The following DDR2 variants were observed in gnomAD, a reference collection of about 807,000 sequenced individuals.
The protein encoded by DDR2 is discoidin domain-containing receptor 2.
A neutral mutation model predicts 94.9 loss-of-function variants in DDR2; 27 were observed. The observed-to-expected ratio is 0.28, with a 90% confidence interval of 0.21 to 0.39. The LOEUF is 0.39. DDR2 is among the 10% of genes least tolerant of loss of function. The pLI is 1.00. For missense variants in DDR2, 783 were observed against 1,076.0 expected (o/e 0.73, Z 3.81); for synonymous variants, 382 against 377.2 (o/e 1.01, Z -0.15).
chr1:162,746,732 A>G (rs1662888121), intron 3 of DDR2, among the ~76,000 whole-genome samples: 1 of 152,226 alleles, frequency 6.6e-6, no homozygotes, highest in African/African-American at 2.4e-5. Context: ...AGGGGCCTAC[A>G]GACACCTCAT....
chr1:162,724,738 A>G (rs1384262731), intron 3 of DDR2, among the ~76,000 whole-genome samples: 1 of 151,952 alleles, frequency 6.6e-6, no homozygotes, highest in Non-Finnish European at 1.5e-5. Flanking sequence ...CTGAGGTACT[A>G]GTGTTGTGAT....
chr1:162,762,923 G>A (rs1464526071), intron 9 of DDR2, among the ~76,000 whole-genome samples: 2 of 152,064 alleles, frequency 1.3e-5, no homozygotes, highest in African/African-American at 4.8e-5. Context: ...TGCAACCCCC[G>A]CCTCCCGGGA....
intron 1 of DDR2, among the ~76,000 whole-genome samples, chr1:162,638,125 A>T (rs6427688): frequency 0.25 from 37,990 of 151,910 alleles, 5,061 homozygotes; most frequent in Admixed American, 0.34. Flanking sequence ...GGTTCAAGTG[A>T]TTCTCCTGCC....
intron 2 of DDR2, among the ~76,000 whole-genome samples, chr1:162,676,389 G>C (rs1490479480): frequency 1.3e-5 from 2 of 152,100 alleles, no homozygotes; most frequent in Non-Finnish European, 1.5e-5. Flanking sequence ...CACCACTGTT[G>C]TTATTAGTTT....
chr1:162,770,418 T>G lies in DDR2; in HGVS notation c.1410T>G (p.Thr470=), dbSNP rs1006765635. ...SSPSEQGSNS[T]YDRIFPLRPD... is the part of the protein sequence containing the mutation. ...CTAGTGAACAAGGGTCCAACTCGAC[T>G]TACGATCGCATCTTTCCCCTTCGCC... The change falls in exon 12 of 18, where the codon ACT becomes ACG. Residue 470 remains threonine (T), a synonymous_variant. Coordinates refer to ENST00000367921, the MANE Select transcript of DDR2 (RefSeq NM_006182.4). The G allele has an allele frequency of 6.2e-7, 1 of 1,613,966 alleles. No homozygotes were observed. Among genetic ancestry groups the G allele is most frequent in the African/African-American group, 1.3e-5 (1 of 74,900 alleles).
rs566192551 is a variant in DDR2, at chr1:162,737,292, A to G, written c.83-15803A>G. 7.5e-3 allele frequency among the ~76,000 whole-genome samples: 1,044 copies of G among 139,174 alleles called. 15 individuals carry two copies. Among genetic ancestry groups the G allele is most frequent in the African/African-American group, 0.027 (996 of 37,452 alleles). The allele number at this position is 139,174 out of a possible 152,430, so 91.3% of individuals were successfully genotyped here. On this transcript the variant is annotated intron_variant, in intron 3 of 17. Coordinates refer to ENST00000367921, the MANE Select transcript of DDR2 (RefSeq NM_006182.4). ...CATCTAGCATTAGGTATCTCTCCCAATGCTATCCCTCCCCCCTCCCCCGAC... is the reference window on the plus strand; with the variant it reads ...CATCTAGCATTAGGTATCTCTCCCAGTGCTATCCCTCCCCCCTCCCCCGAC...
rs1648107114 is a variant in DDR2 at position 162,785,387 on chromosome 1, T to A, written c.*5141T>A. The stretch of plus-strand genomic sequence containing the variant: ...CTCCTAATGTTTGATAAAATACTAT[T>A]TTCAGAGTGGTAGAGAGGTTTTATT... On this transcript the variant is annotated 3_prime_UTR_variant, in exon 18 of 18. Transcript: ENST00000367921. The A allele has an allele frequency of 6.6e-6, 1 of 152,220 alleles. No homozygotes were observed. Among genetic ancestry groups the A allele is most frequent in the African/African-American group, 2.4e-5 (1 of 41,462 alleles). 9.4% of individuals were successfully genotyped at this position (152,220 alleles called of 1,614,324 possible).
chr1:162,654,717 T>C (rs1193685705), intron 1 of DDR2, among the ~76,000 whole-genome samples: 3 of 152,114 alleles, frequency 2.0e-5, no homozygotes, highest in Admixed American at 6.6e-5. Context: ...TAATACTAAG[T>C]TGTTTTTATT....
In DDR2 at chr1:162,784,359, CGAATTTATAGACCTG is replaced by C. The variant is rs1251792673; in HGVS notation, c.*4120_*4134del. 1 of 154,140 alleles carries C rather than the reference CGAATTTATAGACCTG, an allele frequency of 6.5e-6. No homozygotes were observed. Among genetic ancestry groups the C allele is most frequent in the Non-Finnish European group, 1.5e-5 (1 of 68,164 alleles). The allele number at this position is 154,140 out of a possible 1,614,324, so 9.5% of individuals were successfully genotyped here. On this transcript the variant is annotated 3_prime_UTR_variant, in exon 18 of 18. Coordinates refer to ENST00000367921, the MANE Select transcript of DDR2 (RefSeq NM_006182.4). ...GGCTACTAAGTCTTTGATCATAAGT[CGAATTTATAGACCTG>C]GAATTTGCCATCCTAGTCTTTCCTT...
At chr1:162,771,571 A>G (rs1248528123) in intron 12 of DDR2, among the ~76,000 whole-genome samples, 1 of 152,234 alleles carries the variant, frequency 6.6e-6, no homozygotes, top group Non-Finnish European at 1.5e-5. Flanking sequence ...CCCCCACTTC[A>G]TATTTTAAGG....
intron 3 of DDR2, among the ~76,000 whole-genome samples, chr1:162,731,071 G>A (rs1440930872): frequency 6.6e-6 from 1 of 152,126 alleles, no homozygotes; most frequent in South Asian, 2.1e-4. Context: ...GAAACAATCA[G>A]ATTCCTTCAA....
intron 2 of DDR2, among the ~76,000 whole-genome samples, chr1:162,709,201 C>A (rs1660787508): frequency 6.6e-6 from 1 of 152,124 alleles, no homozygotes; most frequent in Non-Finnish European, 1.5e-5. Context: ...TCATAAGGAG[C>A]AGCAAGGGAG....
chr1:162,659,846 ATAAGAGTAGATT>A (rs1393859697), intron 2 of DDR2, among the ~76,000 whole-genome samples: 1 of 152,226 alleles, frequency 6.6e-6, no homozygotes, highest in African/African-American at 2.4e-5. Context: ...GTTATAGCTT[ATAAGAGTAGATT>A]TAAGGGTTAG....
chr1:162,700,921 T>A (rs1660401039), intron 2 of DDR2, among the ~76,000 whole-genome samples: 1 of 152,182 alleles, frequency 6.6e-6, no homozygotes, highest in Non-Finnish European at 1.5e-5. Context: ...TTGCATTCTG[T>A]CTTCTACATG....
intron 3 of DDR2, among the ~76,000 whole-genome samples, chr1:162,730,478 A>C (rs1376030597): frequency 6.6e-6 from 1 of 152,242 alleles, no homozygotes; most frequent in Non-Finnish European, 1.5e-5. Flanking sequence ...GGAGGAAGTC[A>C]GATTCAATCT....
At chr1:162,682,908 A>G (rs1193335706) in intron 2 of DDR2, among the ~76,000 whole-genome samples, 1 of 152,238 alleles carries the variant, frequency 6.6e-6, no homozygotes, top group East Asian at 1.9e-4. Context: ...GTTCAAAGAA[A>G]AAGGATGAAG....
intron 2 of DDR2, among the ~76,000 whole-genome samples, chr1:162,685,228 G>A (rs1382200758): frequency 6.6e-6 from 1 of 152,064 alleles, no homozygotes; most frequent in Middle Eastern, 3.2e-3. Context: ...TTTATACTAA[G>A]CTTTTATGCA....
chr1:162,700,075 T>TTTTCAAA (rs1660364189), intron 2 of DDR2, among the ~76,000 whole-genome samples: 1 of 152,124 alleles, frequency 6.6e-6, no homozygotes, highest in African/African-American at 2.4e-5. Flanking sequence ...TAGTTACTCA[T>TTTTCAAA]GAGAGAGCTT....
chr1:162,694,296 G>A (rs1327570735), intron 2 of DDR2, among the ~76,000 whole-genome samples: 2 of 152,076 alleles, frequency 1.3e-5, no homozygotes, highest in African/African-American at 4.8e-5. Flanking sequence ...TTCCTCACTG[G>A]TCTCATATCT....
Sources: allele counts gnomAD v4.1 joint callset (sites outside exome capture counted in the v4.1 genomes callset), GRCh38; gene constraint gnomAD v4.1.1; transcripts MANE v1.5; gene names NCBI Gene and HGNC (gene_info 2026-07-23, HGNC 2026-07-21).